Variants in USP24 observed in about 807,000 individuals in gnomAD.
USP24 encodes the protein ubiquitin specific peptidase 24, also known as ubiquitin carboxyl-terminal hydrolase 24.
In USP24, 97 loss-of-function variants were observed where a neutral mutation model predicts 361.6. The observed-to-expected ratio is 0.27, with a 90% confidence interval of 0.23 to 0.32. USP24 has a LOEUF of 0.32. USP24 is among the 10% of genes least tolerant of loss of function. USP24 has a pLI of 1.00. For synonymous variants in USP24, 1,098 were observed against 1,124.6 expected, an observed-to-expected ratio of 0.98 and a Z score of 0.47; for missense variants, 2,353 against 3,165.6, an observed-to-expected ratio of 0.74 and a Z score of 6.16.
At chr1:55,156,601 GA>G (rs1312484002) in intron 12 of USP24, among the ~76,000 whole-genome samples, 2 of 151,872 alleles carry the variant, frequency 1.3e-5, no homozygotes, top group African/African-American at 2.4e-5. Context: ...GACTAAATGG[GA>G]AAAAAATTAT....
In USP24 at chr1:55,083,533, C is replaced by T. The variant is rs111824914; in HGVS notation, c.6883-169G>A. On this transcript the variant is annotated intron_variant, in intron 57 of 67. Transcript: ENST00000294383. Reference sequence around the variant, plus strand: ...TAATTAAAAAAACTCCTGAGCCTCACATTGCTTCACAATAACTACTAAACA... The same window carrying T: ...TAATTAAAAAAACTCCTGAGCCTCATATTGCTTCACAATAACTACTAAACA... 7.3e-3 allele frequency among the ~76,000 whole-genome samples: 1,118 copies of T among 152,284 alleles called. 16 individuals carry two copies. The highest frequency in any genetic ancestry group is 0.026 in the African/African-American group (1,072 of 41,548).
intron 9 of USP24, among the ~76,000 whole-genome samples, chr1:55,159,310 G>T (rs142187659): frequency 5.1e-4 from 78 of 152,288 alleles, no homozygotes; most frequent in Middle Eastern, 3.4e-3. Flanking sequence ...TGGGTAAGTT[G>T]TAACACTGTA....
intron 30 of USP24, among the ~76,000 whole-genome samples, chr1:55,133,557 AT>A (rs1392255676): frequency 6.6e-6 from 1 of 152,128 alleles, no homozygotes; most frequent in Non-Finnish European, 1.5e-5. Flanking sequence ...ACCTGATGTC[AT>A]TATTGACTTT....
chr1:55,109,463 T>C (rs896389385), intron 39 of USP24, among the ~76,000 whole-genome samples: 2 of 152,244 alleles, frequency 1.3e-5, no homozygotes, highest in Non-Finnish European at 2.9e-5. Flanking sequence ...TATTTCTTCT[T>C]ACAGGGTATT....
At chr1:55,207,718 C>T (rs1644747075) in intron 1 of USP24, among the ~76,000 whole-genome samples, 1 of 152,146 alleles carries the variant, frequency 6.6e-6, no homozygotes, top group Admixed American at 6.5e-5. Context: ...TATCCTGGAA[C>T]CAGCCCCCTA....
chr1:55,128,925 G>C lies in USP24; in HGVS notation c.3635+552C>G, dbSNP rs190471830. Reference sequence around the variant, plus strand: ...AGTAGACATGAGGTCTCACTATGTCGCCCCGTACGATCTCAAACTCTTGGG... The same window carrying C: ...AGTAGACATGAGGTCTCACTATGTCCCCCCGTACGATCTCAAACTCTTGGG... On this transcript the variant is annotated intron_variant, in intron 32 of 67. Coordinates refer to ENST00000294383, the MANE Select transcript of USP24 (RefSeq NM_015306.3). 7.4e-3 allele frequency among the ~76,000 whole-genome samples: 1,123 copies of C among 151,546 alleles called. 8 individuals carry two copies. Among genetic ancestry groups the C allele is most frequent in the African/African-American group, 0.026 (1,087 of 41,256 alleles).
chr1:55,199,950 A>C (rs1475658031), intron 1 of USP24, among the ~76,000 whole-genome samples: 1 of 152,220 alleles, frequency 6.6e-6, no homozygotes, highest in Non-Finnish European at 1.5e-5. Flanking sequence ...CATGGACGGC[A>C]GCAGGCAAAG....
chr1:55,214,741 A>G, intron 1 of USP24, 49 bp downstream of exon 1: 1 of 1,157,804 alleles, frequency 8.6e-7, no homozygotes, highest in Non-Finnish European at 1.1e-6. Flanking sequence ...CCTCCCAGGA[A>G]CTCCAGCCCA....
At chr1:55,092,227 T>C (rs1421965946) in intron 53 of USP24, 101 bp from the exon 54 acceptor site, 2 of 665,916 alleles carry the variant, frequency 3.0e-6, no homozygotes, top group Non-Finnish European at 4.9e-6. Flanking sequence ...TATATGAATA[T>C]GATATACACA....
At chr1:55,162,833 A>T (rs1648431462) in intron 7 of USP24, among the ~76,000 whole-genome samples, 1 of 152,210 alleles carries the variant, frequency 6.6e-6, no homozygotes, top group African/African-American at 2.4e-5. Flanking sequence ...AACATTAAAA[A>T]TATGGAAACA....
intron 55 of USP24, among the ~76,000 whole-genome samples, chr1:55,087,482 T>C (rs138769284): frequency 6.6e-6 from 1 of 152,334 alleles, no homozygotes; most frequent in Non-Finnish European, 1.5e-5. Flanking sequence ...TTCTATAACA[T>C]TCTAATGCTT....
At chr1:55,143,254 C>T in intron 21 of USP24, 135 bp from the exon 22 acceptor site, 1 of 644,864 alleles carries the variant, frequency 1.6e-6, no homozygotes, top group Non-Finnish European at 2.4e-6. Context: ...AAAACCTCAG[C>T]TATATGAAAA....
At position 55,147,064 on chromosome 1, in the gene USP24, C is replaced by A; in HGVS notation, c.2119-4G>T. On this transcript the variant is annotated splice_polypyrimidine_tract_variant and splice_region_variant and intron_variant, in intron 18 of 67. Transcript: ENST00000294383. ...ATTTTAGATGTGCCTCTAAATACTG[C>A]AAAAAGAAATAATGCTAATTAGTTA... 1.3e-6 allele frequency: 2 copies of A among 1,552,090 alleles called. No homozygotes were observed. The highest frequency in any genetic ancestry group is 1.7e-6 in the Non-Finnish European group (2 of 1,154,268).
chr1:55,170,904 G>C (rs1215095674), intron 5 of USP24, among the ~76,000 whole-genome samples: 3 of 152,212 alleles, frequency 2.0e-5, no homozygotes, highest in South Asian at 2.1e-4. Context: ...CTCAAACTTA[G>C]AATAATGCCA....
intron 58 of USP24, among the ~76,000 whole-genome samples, chr1:55,083,070 C>G (rs774095394): frequency 1.3e-5 from 2 of 152,114 alleles, no homozygotes; most frequent in Non-Finnish European, 2.9e-5. Flanking sequence ...GACTTTGTCA[C>G]TAGTTAGTAA....
At chr1:55,187,823 C>A (rs1417561389) in intron 1 of USP24, among the ~76,000 whole-genome samples, 1 of 152,130 alleles carries the variant, frequency 6.6e-6, no homozygotes, top group Non-Finnish European at 1.5e-5. Flanking sequence ...TAGATTGGAA[C>A]TTAAAACTGT....
chr1:55,117,455 G>T (rs985310424), intron 38 of USP24, among the ~76,000 whole-genome samples: 1 of 152,212 alleles, frequency 6.6e-6, no homozygotes, highest in African/African-American at 2.4e-5. Flanking sequence ...GTGGCCGGGC[G>T]CGGTGGCTCA....
chr1:55,149,546 T>G (rs572008651), intron 16 of USP24, among the ~76,000 whole-genome samples: 1 of 152,304 alleles, frequency 6.6e-6, no homozygotes, highest in East Asian at 1.9e-4. Context: ...ACAATACTTT[T>G]TTCCTTGCCT....
intron 1 of USP24, among the ~76,000 whole-genome samples, chr1:55,199,530 G>A (rs1378371058): frequency 2.0e-5 from 3 of 151,766 alleles, no homozygotes; most frequent in African/African-American, 7.3e-5. Flanking sequence ...TCACATTAAA[G>A]TATTTAGGAG....
Sources: allele counts gnomAD v4.1 joint callset (sites outside exome capture counted in the v4.1 genomes callset), GRCh38; gene constraint gnomAD v4.1.1; transcripts MANE v1.5; gene names NCBI Gene and HGNC (gene_info 2026-07-23, HGNC 2026-07-21).